The following CSMD1 variants were observed in gnomAD, a reference collection of about 807,000 sequenced individuals.
The protein encoded by CSMD1 is CUB and sushi domain-containing protein 1.
A neutral mutation model predicts 417.5 loss-of-function variants in CSMD1; 213 were observed. The observed-to-expected ratio is 0.51, with a 90% confidence interval of 0.46 to 0.57. The LOEUF (loss-of-function observed/expected upper bound fraction) is 0.57, where lower values mean the gene tolerates loss of function less well. CSMD1 is among the 20% of genes least tolerant of loss of function. The pLI is 0.00. For missense variants in CSMD1, 6,923 were observed against 4,529.7 expected (o/e 1.53, Z -15.17); for synonymous variants, 2,862 against 1,736.8 (o/e 1.65, Z -16.11).
In CSMD1 at chr8:4,497,767, T is replaced by A. The variant is rs17070432; in HGVS notation, c.303-77702A>T. 4.5e-3 allele frequency among the ~76,000 whole-genome samples: 687 copies of A among 152,244 alleles called. 8 individuals carry two copies. Among genetic ancestry groups the A allele is most frequent in the African/African-American group, 0.016 (651 of 41,548 alleles). On this transcript the variant is annotated intron_variant, in intron 2 of 69. Transcript: ENST00000635120. ...CTCCCCGAAACAATTCTGCAAGAAATATGTGTAAGGTCTGAAGCTTAGCAG... is the reference window on the plus strand; with the variant it reads ...CTCCCCGAAACAATTCTGCAAGAAAAATGTGTAAGGTCTGAAGCTTAGCAG...
At chr8:4,723,787 T>TAAAAAAAAAAAAAAAAAA (rs57096241) in intron 1 of CSMD1, among the ~76,000 whole-genome samples, 2 of 131,494 alleles carry the variant, frequency 1.5e-5, no homozygotes, top group African/African-American at 6.0e-5. Context: ...CTTTCGAATG[T>TAAAAAAAAAAAAAAAAAA]AAAAAAAAAA....
chr8:4,044,312 T>C (rs1273703213), intron 3 of CSMD1, among the ~76,000 whole-genome samples: 1 of 152,224 alleles, frequency 6.6e-6, no homozygotes, highest in Non-Finnish European at 1.5e-5. Context: ...CTCTGAAAAT[T>C]GATGCAACAC....
rs117633452 is a variant in CSMD1, at chr8:2,966,735, C to T, written c.8935G>A (p.Gly2979Ser). The T allele has an allele frequency of 8.1e-3, 13,108 of 1,613,354 alleles. 79 individuals are homozygous for T. The highest frequency in any genetic ancestry group is 9.7e-3 in the Non-Finnish European group (11,459 of 1,179,648). ...CCGTTGGTGGGTGTGCCAGGGTTGC[C>T]ACAGGACACGGCTGTTAGGCAAACA... ...LQPVCEAVSC[G>S]NPGTPTNGMI... is the part of the protein sequence containing the mutation. The change falls in exon 58 of 70, where the codon GGC becomes AGC. Residue 2979 changes from glycine (G) to serine (S), a missense_variant. By Grantham distance (56) the Gly-to-Ser change is moderately conservative. Coordinates refer to ENST00000635120, the MANE Select transcript of CSMD1 (RefSeq NM_033225.6).
chr8:4,022,586 G>A (rs953365770), intron 4 of CSMD1, among the ~76,000 whole-genome samples: 25 of 152,146 alleles, frequency 1.6e-4, no homozygotes, highest in Non-Finnish European at 3.1e-4. Context: ...CGAGTAAAGA[G>A]AAGCCTCCAA....
intron 3 of CSMD1, among the ~76,000 whole-genome samples, chr8:4,211,018 G>C (rs902646858): frequency 7.2e-5 from 11 of 152,034 alleles, no homozygotes; most frequent in South Asian, 2.1e-4. Context: ...TGAAATAAAA[G>C]TTTCAAAAAT....
intron 6 of CSMD1, among the ~76,000 whole-genome samples, chr8:3,740,768 G>A (rs932681884): frequency 1.3e-5 from 2 of 152,202 alleles, no homozygotes; most frequent in Admixed American, 1.3e-4. Flanking sequence ...AAAGGAAAAA[G>A]TGAAATGAAG....
intron 3 of CSMD1, among the ~76,000 whole-genome samples, chr8:4,119,465 C>T (rs10105494): frequency 0.99 from 150,661 of 152,288 alleles, 74,549 homozygotes; most frequent in East Asian, 1. Flanking sequence ...TGTGTCAGCC[C>T]GAAAACCCAT....
At chr8:4,211,525 T>G (rs1309517335) in intron 3 of CSMD1, among the ~76,000 whole-genome samples, 3 of 152,228 alleles carry the variant, frequency 2.0e-5, no homozygotes, top group African/African-American at 7.2e-5. Flanking sequence ...CAGTTTTATC[T>G]TTTGTATACT....
At chr8:3,424,364 T>C (rs1261517120) in intron 12 of CSMD1, among the ~76,000 whole-genome samples, 5 of 152,210 alleles carry the variant, frequency 3.3e-5, no homozygotes, top group African/African-American at 9.6e-5. Flanking sequence ...AGCTATTGAA[T>C]AGTTCGCACA....
At chr8:4,255,051 C>T (rs900485144) in intron 3 of CSMD1, among the ~76,000 whole-genome samples, 2 of 152,152 alleles carry the variant, frequency 1.3e-5, no homozygotes, top group African/African-American at 4.8e-5. Flanking sequence ...GTTGATCAAG[C>T]AATTCTCAGC....
intron 3 of CSMD1, among the ~76,000 whole-genome samples, chr8:4,053,257 T>A (rs1038240158): frequency 2.0e-5 from 3 of 152,228 alleles, no homozygotes; most frequent in South Asian, 2.1e-4. Flanking sequence ...ACTACCAAGA[T>A]TTATTCAAAG....
chr8:3,374,414 G>T (rs1310183112), intron 18 of CSMD1, among the ~76,000 whole-genome samples: 1 of 152,166 alleles, frequency 6.6e-6, no homozygotes. Flanking sequence ...AGACAGAAAA[G>T]TCCCTGTTTT....
chr8:3,967,116 A>G (rs1812726846), intron 5 of CSMD1, among the ~76,000 whole-genome samples: 1 of 152,002 alleles, frequency 6.6e-6, no homozygotes, highest in Non-Finnish European at 1.5e-5. Context: ...TTCATAGAGA[A>G]ACGGACTAAT....
At chr8:4,015,610 G>A (rs921569646) in intron 4 of CSMD1, among the ~76,000 whole-genome samples, 1 of 138,192 alleles carries the variant, frequency 7.2e-6, no homozygotes, top group Non-Finnish European at 1.5e-5. Flanking sequence ...CTATCATTCA[G>A]TCTCCAAGAA....
chr8:4,148,772 G>C (rs1014631159), intron 3 of CSMD1, among the ~76,000 whole-genome samples: 1 of 152,042 alleles, frequency 6.6e-6, no homozygotes, highest in African/African-American at 2.4e-5. Flanking sequence ...CCATCACCCT[G>C]AGTTTAGAAT....
At chr8:4,700,523 T>G (rs75405536) in intron 1 of CSMD1, among the ~76,000 whole-genome samples, 8,297 of 152,200 alleles carry the variant, frequency 0.055, 272 homozygotes, top group East Asian at 0.1. Flanking sequence ...AAAAGGTGTC[T>G]AATAGAGAGA....
chr8:3,389,356 G>C (rs984874437), intron 17 of CSMD1, among the ~76,000 whole-genome samples: 3 of 152,118 alleles, frequency 2.0e-5, no homozygotes, highest in East Asian at 1.9e-4. Context: ...TTATAAGTGA[G>C]AACATGCGGC....
chr8:4,737,280 A>C (rs1381530965), intron 1 of CSMD1, among the ~76,000 whole-genome samples: 1 of 152,130 alleles, frequency 6.6e-6, no homozygotes, highest in Non-Finnish European at 1.5e-5. Flanking sequence ...GTGGGAGCTA[A>C]CTGATAAGAA....
chr8:4,053,107 G>A (rs1419774123), intron 3 of CSMD1, among the ~76,000 whole-genome samples: 1 of 152,156 alleles, frequency 6.6e-6, no homozygotes, highest in South Asian at 2.1e-4. Flanking sequence ...GCTGATACGA[G>A]GACCCCTTGC....
Sources: allele counts gnomAD v4.1 joint callset (sites outside exome capture counted in the v4.1 genomes callset), GRCh38; gene constraint gnomAD v4.1.1; transcripts MANE v1.5; gene names NCBI Gene and HGNC (gene_info 2026-07-23, HGNC 2026-07-21).